The following GPC5 variants were observed in gnomAD, a reference collection of about 807,000 sequenced individuals.
GPC5 encodes glypican 5, also known as glypican-5.
GPC5 carries 47 observed loss-of-function variants against 53.9 expected under a neutral mutation model. The observed-to-expected ratio is 0.87, with a 90% CI of 0.69 to 1.11. GPC5 has a LOEUF of 1.11. Ranked by LOEUF, GPC5 falls within the 50% of genes most tolerant of loss-of-function variation. The pLI, the probability that GPC5 is intolerant of heterozygous loss-of-function variation, is 0.00. For missense variants in GPC5, 748 were observed against 713.1 expected (o/e 1.05, Z -0.56); for synonymous variants, 286 against 263.3 (o/e 1.09, Z -0.84).
chr13:92,368,853 T>A (rs142819453), intron 7 of GPC5, among the ~76,000 whole-genome samples: 1 of 152,222 alleles, frequency 6.6e-6, no homozygotes, highest in Non-Finnish European at 1.5e-5. Flanking sequence ...ATATGCATTT[T>A]TGTAGGAAGA....
intron 2 of GPC5, among the ~76,000 whole-genome samples, chr13:91,558,964 T>G (rs1393773850): frequency 6.6e-6 from 1 of 152,130 alleles, no homozygotes; most frequent in Non-Finnish European, 1.5e-5. Flanking sequence ...TAATAGTTAA[T>G]TTCTTGTTCA....
chr13:92,341,519 A>G (rs1315419935), intron 7 of GPC5, among the ~76,000 whole-genome samples: 1 of 152,152 alleles, frequency 6.6e-6, no homozygotes, highest in Non-Finnish European at 1.5e-5. Flanking sequence ...AGAGTTTTAG[A>G]AACTTGTTTT....
chr13:91,405,648 C>T (rs568027455), intron 1 of GPC5, among the ~76,000 whole-genome samples: 7 of 152,140 alleles, frequency 4.6e-5, no homozygotes, highest in African/African-American at 1.4e-4. Flanking sequence ...AGGTTGTGTA[C>T]GTGATGGAGA....
At chr13:92,082,105 A>G (rs1022932593) in intron 6 of GPC5, among the ~76,000 whole-genome samples, 3 of 152,086 alleles carry the variant, frequency 2.0e-5, no homozygotes, top group African/African-American at 7.2e-5. Flanking sequence ...TCATTTAAGC[A>G]TTTCTCACCT....
At chr13:92,249,397 AGTGGTACCT>A (rs1279300575) in intron 7 of GPC5, among the ~76,000 whole-genome samples, 2 of 152,112 alleles carry the variant, frequency 1.3e-5, no homozygotes, top group Non-Finnish European at 2.9e-5. Flanking sequence ...TGAGTAACAG[AGTGGTACCT>A]GTGATCAGTA....
In GPC5 at chr13:91,714,774, A is replaced by G. The variant is rs541519832; in HGVS notation, c.1021-13758A>G. Among the ~76,000 whole-genome samples, 8 of 152,246 alleles carry G rather than the reference A, an allele frequency of 5.3e-5. No individual in the cohort carries two copies. In the South Asian group the frequency reaches 6.2e-4, roughly 12 times the overall value. On this transcript the variant is annotated intron_variant, in intron 3 of 7. Transcript: ENST00000377067. ...TAAAAAAAAAAATGAGAACCCAGTG[A>G]TGCAGGACAGGTGAGGCCCCAACTG...
chr13:92,623,978 C>A (rs553320739), intron 7 of GPC5, among the ~76,000 whole-genome samples: 1 of 152,070 alleles, frequency 6.6e-6, no homozygotes, highest in Admixed American at 6.5e-5. Flanking sequence ...TCTTAGCCTC[C>A]CAAGTAGCTG....
intron 7 of GPC5, among the ~76,000 whole-genome samples, chr13:92,294,218 G>T (rs9523611): frequency 0.085 from 13,005 of 152,190 alleles, 615 homozygotes; most frequent in Middle Eastern, 0.12. Flanking sequence ...GAATGATTTG[G>T]GGAGGGGTCC....
chr13:92,597,670 G>A (rs1020655740), intron 7 of GPC5, among the ~76,000 whole-genome samples: 4 of 152,016 alleles, frequency 2.6e-5, no homozygotes, highest in Non-Finnish European at 2.9e-5. Context: ...TTTAGTGTAG[G>A]CATCCATTTT....
At chr13:92,381,869 CAT>C (rs946858463) in intron 7 of GPC5, among the ~76,000 whole-genome samples, 31 of 107,382 alleles carry the variant, frequency 2.9e-4, no homozygotes, top group African/African-American at 1.2e-3. Context: ...TTATATATAT[CAT>C]ATATATGATT....
At chr13:92,682,076 T>C (rs1887127795) in intron 7 of GPC5, among the ~76,000 whole-genome samples, 2 of 151,720 alleles carry the variant, frequency 1.3e-5, no homozygotes, top group Admixed American at 1.3e-4. Context: ...TCTATTTGTG[T>C]TTTGAATGAA....
chr13:92,493,530 T>C (rs1879846634), intron 7 of GPC5, among the ~76,000 whole-genome samples: 1 of 152,124 alleles, frequency 6.6e-6, no homozygotes, highest in Non-Finnish European at 1.5e-5. Flanking sequence ...TAGGTTTTGG[T>C]TGAGAGGAAG....
At chr13:92,550,753 A>G (rs1882284339) in intron 7 of GPC5, among the ~76,000 whole-genome samples, 1 of 151,904 alleles carries the variant, frequency 6.6e-6, no homozygotes, top group Admixed American at 6.6e-5. Flanking sequence ...GGAAAGATAT[A>G]TCAGTATGTG....
At chr13:92,232,345 G>A (rs1189396523) in intron 7 of GPC5, among the ~76,000 whole-genome samples, 10 of 152,068 alleles carry the variant, frequency 6.6e-5, no homozygotes, top group African/African-American at 2.2e-4. Context: ...AAATTACTAT[G>A]TTTTAAATTT....
At chr13:92,294,839 T>G (rs1413175559) in intron 7 of GPC5, among the ~76,000 whole-genome samples, 1 of 146,656 alleles carries the variant, frequency 6.8e-6, no homozygotes, top group Non-Finnish European at 1.5e-5. Context: ...TTTTTTTTTT[T>G]TTTTTCCGAG....
chr13:91,723,495 A>G (rs1323352360), intron 3 of GPC5, among the ~76,000 whole-genome samples: 1 of 151,446 alleles, frequency 6.6e-6, no homozygotes, highest in Non-Finnish European at 1.5e-5. Context: ...AAACAGGTAC[A>G]CCATAAACTA....
chr13:91,738,494 C>T (rs572716229), intron 4 of GPC5, among the ~76,000 whole-genome samples: 1 of 151,212 alleles, frequency 6.6e-6, no homozygotes, highest in Non-Finnish European at 1.5e-5. Flanking sequence ...AATATTTAAT[C>T]CTTTTGTATA....
chr13:92,006,799 C>A (rs1443733928), intron 6 of GPC5, among the ~76,000 whole-genome samples: 2 of 151,996 alleles, frequency 1.3e-5, no homozygotes, highest in Admixed American at 6.6e-5. Context: ...GAAGTATATT[C>A]TTTGCCTAAT....
At chr13:92,217,201 C>T (rs150232465) in intron 7 of GPC5, among the ~76,000 whole-genome samples, 502 of 152,236 alleles carry the variant, frequency 3.3e-3, no homozygotes, top group African/African-American at 0.01. Flanking sequence ...TAGTTTACGC[C>T]ACTCATATTC....
Sources: allele counts gnomAD v4.1 joint callset (sites outside exome capture counted in the v4.1 genomes callset), GRCh38; gene constraint gnomAD v4.1.1; transcripts MANE v1.5; gene names NCBI Gene and HGNC (gene_info 2026-07-23, HGNC 2026-07-21).